The following BCAN variants were observed in gnomAD, a reference collection of about 807,000 sequenced individuals.
BCAN encodes brevican core protein.
BCAN carries 51 observed loss-of-function variants against 92.4 expected under a neutral mutation model. That is an observed-to-expected ratio of 0.55 (90% CI 0.44 to 0.70). BCAN has a LOEUF of 0.70. BCAN is among the 30% of genes least tolerant of loss of function. The pLI is 0.00. For synonymous variants in BCAN, 501 were observed against 505.2 expected (o/e 0.99, Z 0.11); for missense variants, 1,140 against 1,212.1 (o/e 0.94, Z 0.88).
chr1:156,658,192 C>A lies in BCAN; in HGVS notation c.2358C>A (p.Val786=). Residue 786 remains valine, a synonymous_variant, in exon 12 of 14, where the codon GTC becomes GTA. Coordinates refer to ENST00000329117, the MANE Select transcript of BCAN (RefSeq NM_021948.5). This position sits in a 1 kb window ranked among gnomAD's most constrained non-coding sequence, Gnocchi z 4.4. ...SYFLSGENCV[V]MVWHDQGQWS... ...TCCTGTCTGGAGAGAACTGCGTGGTCATGGTGTGGCATGATCAGGGACAAT... is the reference window on the plus strand; with the variant it reads ...TCCTGTCTGGAGAGAACTGCGTGGTAATGGTGTGGCATGATCAGGGACAAT... The A allele has an allele frequency of 6.2e-7, 1 of 1,614,052 alleles. No homozygotes were observed. Among genetic ancestry groups the A allele is most frequent in the South Asian group, 1.1e-5 (1 of 91,068 alleles).
At position 156,659,513 on chromosome 1, in the gene BCAN, G is replaced by A. The variant is rs1270517927; in HGVS notation, c.*379G>A. On this transcript the variant is annotated 3_prime_UTR_variant, in exon 14 of 14. Coordinates refer to ENST00000329117, the MANE Select transcript of BCAN (RefSeq NM_021948.5). ...TAAAATCAACAGGAAATAAAACTGT[G>A]TATGAGCCCAGGCAAGTTGGATGCT... 3 of 212,500 alleles carry A rather than the reference G, an allele frequency of 1.4e-5. No individual in the cohort carries two copies. The highest frequency in any genetic ancestry group is 2.8e-5 in the Non-Finnish European group (3 of 108,858). The allele number at this position is 212,500 out of a possible 1,614,324, so 13.2% of individuals were successfully genotyped here. A position where few individuals can be genotyped will look rare whatever the true frequency, so the allele number is the denominator to read the frequency against.
intron 2 of BCAN, 151 bp from the exon 3 acceptor site, chr1:156,646,642 GCTGCAGGA>G: frequency 8.0e-7 from 1 of 1,253,434 alleles, no homozygotes; most frequent in Non-Finnish European, 1.1e-6. Flanking sequence ...TAGAGGTAGG[GCTGCAGGA>G]CCCTGGCCCC....
At chr1:156,646,657 C>A (rs1352233501) in intron 2 of BCAN, 144 bp from the exon 3 acceptor site, 73 of 581,264 alleles carry the variant, frequency 1.3e-4, no homozygotes, top group South Asian at 9.0e-4. Flanking sequence ...AGGACCCTGG[C>A]CCCTGGCCCC....
Position 156,647,334 on chromosome 1 carries a change from TTC to T in BCAN, c.466+165_466+166del. 1.8e-6 allele frequency: 2 copies of T among 1,134,614 alleles called. No homozygotes were observed. Among genetic ancestry groups the T allele is most frequent in the Non-Finnish European group, 2.4e-6 (2 of 816,578 alleles). 70.3% of individuals were successfully genotyped at this position (1,134,614 alleles called of 1,614,324 possible). A position where few individuals can be genotyped will look rare whatever the true frequency, so the allele number is the denominator to read the frequency against. On this transcript the variant is annotated intron_variant, in intron 3 of 13. Coordinates refer to ENST00000329117, the MANE Select transcript of BCAN (RefSeq NM_021948.5). This position sits in a 1 kb window ranked among gnomAD's most constrained non-coding sequence, Gnocchi z 4.8. ...GAGACACGGGCCTTTGTTGTCTCCT[TTC>T]TCTCTTCAGGTGGAGGACATTCTAC...
rs184922439 is a variant in BCAN, at chr1:156,656,084, G to A, written c.1943-198G>A. Among the ~76,000 whole-genome samples the A allele has an allele frequency of 1.0e-3, 157 of 152,230 alleles. 1 individual carries two copies. The highest frequency in any genetic ancestry group is 3.6e-3 in the African/African-American group (149 of 41,538). On this transcript the variant is annotated intron_variant, in intron 8 of 13. Coordinates refer to ENST00000329117, the MANE Select transcript of BCAN (RefSeq NM_021948.5). ...CTGAGCCAATGCTGAAGTCGGGAGC[G>A]GGAAGAGGAAAGAAACCCAGAACTC...
intron 1 of BCAN, chr1:156,644,824 C>A (rs1678908715): frequency 6.6e-6 from 1 of 152,264 alleles, no homozygotes; most frequent in Non-Finnish European, 1.5e-5. Flanking sequence ...TAAACCTGAT[C>A]TCTAGGAAGT....
chr1:156,646,397 A>T, intron 2 of BCAN: 2 of 506,082 alleles, frequency 4.0e-6, no homozygotes, highest in Non-Finnish European at 7.0e-6. Flanking sequence ...TGAAGCTAGG[A>T]GGTGGGAAAG....
At chr1:156,653,579 C>A in intron 8 of BCAN, 1 of 969,094 alleles carries the variant, frequency 1.0e-6, no homozygotes, top group Non-Finnish European at 1.2e-6. Flanking sequence ...ATGTCTCTCC[C>A]TGTCTCTGTG....
chr1:156,657,768 C>T lies in BCAN; in HGVS notation c.2292+11C>T, dbSNP rs761852975. On this transcript the variant is annotated intron_variant, in intron 11 of 13. Transcript: ENST00000329117. ...GATGGCGTCCCCCTGGTGAGAGGCC[C>T]CAGTCGAACCCCGCCGTCTAGCTCA... 1.9e-6 allele frequency: 3 copies of T among 1,603,210 alleles called. No individual in the cohort carries two copies. Among genetic ancestry groups the T allele is most frequent in the Non-Finnish European group, 2.6e-6 (3 of 1,175,094 alleles).
Position 156,658,844 on chromosome 1 carries a change from G to GC in BCAN, c.2628+115dup. ...GCCATGTGACCTTGGAGCCATCACT[G>GC]CCCCTCTCTGAGGCAAAGGGGAAGA... On this transcript the variant is annotated intron_variant, in intron 13 of 13. Coordinates refer to ENST00000329117, the MANE Select transcript of BCAN (RefSeq NM_021948.5). This position sits in a 1 kb window ranked among gnomAD's most constrained non-coding sequence, Gnocchi z 4.4. 6.7e-7 allele frequency: 1 copy of GC among 1,490,008 alleles called. No homozygotes were observed. Among genetic ancestry groups the GC allele is most frequent in the Non-Finnish European group, 9.2e-7 (1 of 1,090,372 alleles). The allele number at this position is 1,490,008 out of a possible 1,614,324, so 92.3% of individuals were successfully genotyped here.
Position 156,652,403 on chromosome 1 carries a change from G to C in BCAN, c.1453G>C (p.Glu485Gln). 6.2e-7 allele frequency: 1 copy of C among 1,608,044 alleles called. No homozygotes were observed. Among genetic ancestry groups the C allele is most frequent in the Non-Finnish European group, 8.5e-7 (1 of 1,176,880 alleles). Reference sequence around the variant, plus strand: ...TGAGGCTCTGTGGGCATGGCCCAGCGAGCTCAGCAGCCCGGGCCCTGAGGC... The same window carrying C: ...TGAGGCTCTGTGGGCATGGCCCAGCCAGCTCAGCAGCCCGGGCCCTGAGGC... ...EDEALWAWPS[E>Q]LSSPGPEASL... is the part of the protein sequence containing the mutation. The change falls in exon 8 of 14, where the codon GAG becomes CAG. Residue 485 changes from glutamate to glutamine, a missense_variant. Coordinates refer to ENST00000329117, the MANE Select transcript of BCAN (RefSeq NM_021948.5).
intron 2 of BCAN, 67 bp from the exon 3 acceptor site, chr1:156,646,734 G>A: frequency 1.3e-6 from 2 of 1,503,496 alleles, no homozygotes; most frequent in South Asian, 2.7e-5. Flanking sequence ...AGCGGGGCTT[G>A]GAGGCCACCG....
At chr1:156,652,224 C>T (rs1312481523) in intron 7 of BCAN, 24 bp from the exon 8 acceptor site, 2 of 1,566,548 alleles carry the variant, frequency 1.3e-6, no homozygotes, top group Admixed American at 3.7e-5. Flanking sequence ...GTCCCTGGTG[C>T]TGAACCGTTT....
At position 156,658,083 on chromosome 1, in the gene BCAN, G is replaced by A. The variant is rs916880209; in HGVS notation, c.2293-44G>A. On this transcript the variant is annotated intron_variant, in intron 11 of 13. Transcript: ENST00000329117. This position sits in a 1 kb window ranked among gnomAD's most constrained non-coding sequence, Gnocchi z 4.4. ...CAGATCCTCTAGGCCCTCTCCCGGT[G>A]CTCCTGGTGTAGGAGCTCCTCACCA... The A allele has an allele frequency of 3.7e-6, 6 of 1,600,580 alleles. No homozygotes were observed. The African/African-American group carries it at 4.0e-5, about 11-fold the overall frequency.
At position 156,647,382 on chromosome 1, in the gene BCAN, C is replaced by T. The variant is rs542792614; in HGVS notation, c.467-126C>T. ...TCTACCCACAATCTAACTTAAGTCC[C>T]TCATGCTGTAGAGTGAGCACAATTG... On this transcript the variant is annotated intron_variant, in intron 3 of 13. Coordinates refer to ENST00000329117, the MANE Select transcript of BCAN (RefSeq NM_021948.5). This position sits in a 1 kb window ranked among gnomAD's most constrained non-coding sequence, Gnocchi z 4.8. 2.6e-6 allele frequency: 3 copies of T among 1,174,974 alleles called. No individual in the cohort carries two copies. Among genetic ancestry groups the T allele is most frequent in the Admixed American group, 5.5e-5 (2 of 36,586 alleles). The allele number at this position is 1,174,974 out of a possible 1,614,324, so 72.8% of individuals were successfully genotyped here. A position where few individuals can be genotyped will look rare whatever the true frequency, so the allele number is the denominator to read the frequency against.
In BCAN at chr1:156,642,681, C is replaced by T. The variant is rs1345822038; in HGVS notation, c.-9+406C>T. On this transcript the variant is annotated intron_variant, in intron 1 of 13. Coordinates refer to ENST00000329117, the MANE Select transcript of BCAN (RefSeq NM_021948.5). This position sits in a 1 kb window ranked among gnomAD's most constrained non-coding sequence, Gnocchi z 4.2. Reference sequence around the variant, plus strand: ...CACAGGCAGCTCCAGGAGCAGCGGCCAGCAACCCTTCTGGGGACACCTTAC... The same window carrying T: ...CACAGGCAGCTCCAGGAGCAGCGGCTAGCAACCCTTCTGGGGACACCTTAC... The T allele has an allele frequency of 1.3e-5, 2 of 152,548 alleles. No homozygotes were observed. Among genetic ancestry groups the T allele is most frequent in the African/African-American group, 2.4e-5 (1 of 41,580 alleles). The allele number at this position is 152,548 out of a possible 1,614,324, so 9.4% of individuals were successfully genotyped here. A position where few individuals can be genotyped will look rare whatever the true frequency, so the allele number is the denominator to read the frequency against.
At position 156,658,578 on chromosome 1, in the gene BCAN, C is replaced by A; in HGVS notation, c.2473C>A (p.Gln825Lys). The change falls in exon 13 of 14, where the codon CAA (glutamine) becomes AAA (lysine). Residue 825 changes from glutamine to lysine, a missense_variant. Physicochemically the swap from Gln to Lys is moderately conservative, Grantham distance 53 (BLOSUM62 1). Transcript: ENST00000329117. The surrounding 1 kb of genome is among the most constrained non-coding windows in gnomAD (Gnocchi z 4.4). ...CGPPPELPLA[Q>K]VFGRPRLRYE... ...GCCGCCACCGGAGCTGCCCCTGGCT[C>A]AAGTGTTCGGCCGCCCACGGCTGCG... 6.2e-7 allele frequency: 1 copy of A among 1,614,010 alleles called. No individual in the cohort carries two copies. The highest frequency in any genetic ancestry group is 8.5e-7 in the Non-Finnish European group (1 of 1,180,032).
chr1:156,647,797 G>T lies in BCAN; in HGVS notation c.641+115G>T. ...GGACATGCAGGGCTTTTTGCCTCTG[G>T]GGGATGAGGCTGGTCTGAGGAGGGG... On this transcript the variant is annotated intron_variant, in intron 4 of 13. Coordinates refer to ENST00000329117, the MANE Select transcript of BCAN (RefSeq NM_021948.5). The surrounding 1 kb of genome is among the most constrained non-coding windows in gnomAD (Gnocchi z 4.8). 6.5e-7 allele frequency: 1 copy of T among 1,537,320 alleles called. No individual in the cohort carries two copies. Among genetic ancestry groups the T allele is most frequent in the Non-Finnish European group, 8.9e-7 (1 of 1,121,862 alleles).
chr1:156,652,308 T>G lies in BCAN; in HGVS notation c.1358T>G (p.Leu453Trp). ...TGFSEEEGKA[L>W]EEEEKYEDEE... ...TTCTCAGAAGAGGAAGGTAAGGCAT[T>G]GGAGGAAGAAGAGAAATATGAAGAT... Residue 453 changes from leucine (L) to tryptophan (W), a missense_variant, in exon 8 of 14, where the codon TTG becomes TGG. Leu to Trp is a moderately conservative substitution (Grantham distance 61). This residue lies in a region of BCAN where 825 missense variants were observed against 871.8 expected (regional missense o/e 0.95). Coordinates refer to ENST00000329117, the MANE Select transcript of BCAN (RefSeq NM_021948.5). 6.2e-7 allele frequency: 1 copy of G among 1,612,998 alleles called. No homozygotes were observed. Among genetic ancestry groups the G allele is most frequent in the Non-Finnish European group, 8.5e-7 (1 of 1,179,568 alleles).
Sources: gnomAD v4.1 joint callset for allele counts (sites outside exome capture counted in the v4.1 genomes callset) on GRCh38, gnomAD v4.1.1 for gene constraint, gnomAD v4.1.1 regional missense constraint, Gnocchi (gnomAD v3.1) non-coding constraint, MANE v1.5 for transcripts, NCBI Gene and HGNC (gene_info 2026-07-23, HGNC 2026-07-21) for gene names.